TBC1D16: variants seen among roughly 807,000 people sequenced by gnomAD.
TBC1D16 encodes the protein CTD-2529O21.1.
A neutral mutation model predicts 74.7 loss-of-function variants in TBC1D16; 58 were observed. The observed-to-expected ratio is 0.78, with a 90% CI of 0.63 to 0.97. TBC1D16 has a LOEUF of 0.97. Ranked by LOEUF, TBC1D16 falls within the 50% of genes least tolerant of loss-of-function variation. TBC1D16 has a pLI of 0.00. For missense variants in TBC1D16, 1,014 were observed against 1,079.5 expected (o/e 0.94, Z 0.85); for synonymous variants, 493 against 474.7 (o/e 1.04, Z -0.50).
intron 3 of TBC1D16, 109 bp from the exon 4 acceptor site, chr17:79,952,927 C>A: frequency 7.6e-7 from 1 of 1,322,536 alleles, no homozygotes; most frequent in Non-Finnish European, 1.0e-6. Flanking sequence ...CAAGCTTAAA[C>A]ACACATACAG....
At position 79,933,340 on chromosome 17, in the gene TBC1D16, A is replaced by G. The variant is rs1372292204; in HGVS notation, c.*7519T>C. 1.3e-5 allele frequency: 2 copies of G among 152,204 alleles called. No homozygotes were observed. Among genetic ancestry groups the G allele is most frequent in the African/African-American group, 4.8e-5 (2 of 41,420 alleles). 9.4% of individuals were successfully genotyped at this position (152,204 alleles called of 1,614,324 possible). A position where few individuals can be genotyped will look rare whatever the true frequency, so the allele number is the denominator to read the frequency against. On this transcript the variant is annotated 3_prime_UTR_variant, in exon 12 of 12. Transcript: ENST00000310924. ...ACGAAGAGGGGGCACAGATGCAGGT[A>G]TGCCCAGGTACCTGAGTCCCAGCCA... is the stretch of plus-strand genomic sequence containing the variant.
rs752831210 is a variant in TBC1D16, at chr17:79,986,032, G to T, written c.779+24128C>A. On this transcript the variant is annotated intron_variant, in intron 3 of 11. Transcript: ENST00000310924. The surrounding 1 kb of genome is among the most constrained non-coding windows in gnomAD (Gnocchi z 6.0). ...CGGCCCTCCGCTCTTCAGAACGGCT[G>T]GTGTCTGCTTTGAAAGGTCCTGACT... is the stretch of plus-strand genomic sequence containing the variant. Among the ~76,000 whole-genome samples, 2 of 152,252 alleles carry T rather than the reference G, an allele frequency of 1.3e-5. No individual in the cohort carries two copies. Among genetic ancestry groups the T allele is most frequent in the African/African-American group, 2.4e-5 (1 of 41,460 alleles).
intron 3 of TBC1D16, among the ~76,000 whole-genome samples, chr17:79,962,618 C>T (rs1332979220): frequency 6.6e-6 from 1 of 152,058 alleles, no homozygotes; most frequent in Non-Finnish European, 1.5e-5. Flanking sequence ...TCTTGTAAAA[C>T]AAAAGCTCTA....
In TBC1D16 at chr17:79,986,898, C is replaced by T. The variant is rs540717769; in HGVS notation, c.779+23262G>A. Reference sequence around the variant, plus strand: ...TGGGAGGAGCTGGACTGCGGTCAGCCGTCCCCTCGCGCCCTCCGGTCTCTG... The same window carrying T: ...TGGGAGGAGCTGGACTGCGGTCAGCTGTCCCCTCGCGCCCTCCGGTCTCTG... On this transcript the variant is annotated intron_variant, in intron 3 of 11. Coordinates refer to ENST00000310924, the MANE Select transcript of TBC1D16 (RefSeq NM_019020.4). This position sits in a 1 kb window ranked among gnomAD's most constrained non-coding sequence, Gnocchi z 6.0. 1.3e-5 allele frequency among the ~76,000 whole-genome samples: 2 copies of T among 152,320 alleles called. No individual in the cohort carries two copies. The highest frequency in any genetic ancestry group is 2.1e-4 in the South Asian group (1 of 4,828).
At position 80,000,634 on chromosome 17, in the gene TBC1D16, G is replaced by A. The variant is rs1036183755; in HGVS notation, c.779+9526C>T. Reference sequence around the variant, plus strand: ...AGCCCCAGGACACTGATACGAGCACGTCCAACGGGGCTGGCAACTCAGTCA... The same window carrying A: ...AGCCCCAGGACACTGATACGAGCACATCCAACGGGGCTGGCAACTCAGTCA... On this transcript the variant is annotated intron_variant, in intron 3 of 11. Coordinates refer to ENST00000310924, the MANE Select transcript of TBC1D16 (RefSeq NM_019020.4). The surrounding 1 kb of genome is among the most constrained non-coding windows in gnomAD (Gnocchi z 4.1). Among the ~76,000 whole-genome samples, 15 of 152,190 alleles carry A rather than the reference G, an allele frequency of 9.9e-5. No individual in the cohort carries two copies. Among genetic ancestry groups the A allele is most frequent in the African/African-American group, 3.6e-4 (15 of 41,436 alleles).
At chr17:79,952,860 GC>G in intron 3 of TBC1D16, 42 bp from the exon 4 acceptor site, 1 of 1,572,814 alleles carries the variant, frequency 6.4e-7, no homozygotes, top group Non-Finnish European at 8.6e-7. Context: ...ACTTCTCCCT[GC>G]CCACACTACC....
At chr17:79,959,564 T>A (rs1156586504) in intron 3 of TBC1D16, among the ~76,000 whole-genome samples, 1 of 151,770 alleles carries the variant, frequency 6.6e-6, no homozygotes, top group African/African-American at 2.4e-5. Flanking sequence ...CATAACAGAG[T>A]CCAAAAATAT....
At chr17:79,947,463 C>T (rs1421571737) in intron 9 of TBC1D16, among the ~76,000 whole-genome samples, 182 bp downstream of exon 9, 1 of 152,174 alleles carries the variant, frequency 6.6e-6, no homozygotes, top group Non-Finnish European at 1.5e-5. Flanking sequence ...AGAGGGCCAT[C>T]CCCGGAGGCC....
intron 10 of TBC1D16, chr17:79,943,894 T>C (rs1053643168): frequency 1.4e-6 from 2 of 1,408,926 alleles, no homozygotes; most frequent in Non-Finnish European, 1.8e-6. Flanking sequence ...TTTTTTTTAA[T>C]TCGGGAGTGG....
In TBC1D16 at chr17:79,988,282, C is replaced by T. The variant is rs188033684; in HGVS notation, c.779+21878G>A. ...GAGCCTTTGATGCACTCTCCAAAGT[C>T]ACAGAGCAAAACAACACGCTGAACA... On this transcript the variant is annotated intron_variant, in intron 3 of 11. Transcript: ENST00000310924. The surrounding 1 kb of genome is among the most constrained non-coding windows in gnomAD (Gnocchi z 5.7). Among the ~76,000 whole-genome samples the T allele has an allele frequency of 6.6e-6, 1 of 152,358 alleles. No individual in the cohort carries two copies. Among genetic ancestry groups the T allele is most frequent in the Non-Finnish European group, 1.5e-5 (1 of 68,034 alleles).
At chr17:80,002,046 G>A (rs1287802707) in intron 3 of TBC1D16, among the ~76,000 whole-genome samples, 1 of 152,166 alleles carries the variant, frequency 6.6e-6, no homozygotes, top group Non-Finnish European at 1.5e-5. Flanking sequence ...GGAGGGTTGG[G>A]CAGAAAAGGA....
In TBC1D16 at chr17:79,950,088, T is replaced by A. The variant is rs960380350; in HGVS notation, c.1258-223A>T. Among the ~76,000 whole-genome samples, 1 of 152,224 alleles carries A rather than the reference T, an allele frequency of 6.6e-6. No homozygotes were observed. The highest frequency in any genetic ancestry group is 2.4e-5 in the African/African-American group (1 of 41,464). On this transcript the variant is annotated intron_variant, in intron 6 of 11. Transcript: ENST00000310924. This position sits in a 1 kb window ranked among gnomAD's most constrained non-coding sequence, Gnocchi z 4.6. ...GCCCCCCCTGGGGTGGCGCTCAGAT[T>A]AACGTGTCGTTCTCACGTCATGGCC... is the stretch of plus-strand genomic sequence containing the variant.
Position 80,013,533 on chromosome 17 carries a change from G to A in TBC1D16, c.15C>T (p.Arg5=), listed in dbSNP as rs2144690273. MSLG[R]LLRRASSKAS... ...CTTTGGAGGAGGCCCTGCGAAGGAG[G>A]CGGCCCAGAGACATTGCCGGGCAAG... The change falls in exon 2 of 12, where the codon CGC becomes CGT. Residue 5 remains arginine (R), a synonymous_variant. Transcript: ENST00000310924. 1.3e-6 allele frequency: 2 copies of A among 1,533,964 alleles called. No individual in the cohort carries two copies. Among genetic ancestry groups the A allele is most frequent in the Non-Finnish European group, 1.8e-6 (2 of 1,140,440 alleles).
rs1056491637 is a variant in TBC1D16, at chr17:80,009,421, C to G, written c.779+739G>C. Among the ~76,000 whole-genome samples, 1 of 152,210 alleles carries G rather than the reference C, an allele frequency of 6.6e-6. No homozygotes were observed. Among genetic ancestry groups the G allele is most frequent in the Middle Eastern group, 3.2e-3 (1 of 316 alleles). On this transcript the variant is annotated intron_variant, in intron 3 of 11. Coordinates refer to ENST00000310924, the MANE Select transcript of TBC1D16 (RefSeq NM_019020.4). The surrounding 1 kb of genome is among the most constrained non-coding windows in gnomAD (Gnocchi z 5.4). ...TGAGGGCCCTCGTGGCACCATGCAA[C>G]CCTCCCCACTCAGGAAGGTCTCTTT...
chr17:79,984,166 C>T (rs1446748925), intron 3 of TBC1D16, among the ~76,000 whole-genome samples: 1 of 152,192 alleles, frequency 6.6e-6, no homozygotes, highest in African/African-American at 2.4e-5. Context: ...GGACCACAGG[C>T]ATCTGCCAGC....
Position 80,013,543 on chromosome 17 carries a change from G to C in TBC1D16, c.5C>G (p.Ser2Cys). Residue 2 changes from serine to cysteine, a missense_variant, in exon 2 of 12, where the codon TCT (serine) becomes TGT (cysteine). Physicochemically the swap from Ser to Cys is moderately radical, Grantham distance 112 (BLOSUM62 -1). Transcript: ENST00000310924. Reference sequence around the variant, plus strand: ...GGCCCTGCGAAGGAGGCGGCCCAGAGACATTGCCGGGCAAGTGTTTCCATC... The same window carrying C: ...GGCCCTGCGAAGGAGGCGGCCCAGACACATTGCCGGGCAAGTGTTTCCATC... MSLGRLLRRASS... is the reference protein window; with the variant it reads MCLGRLLRRASS... The C allele has an allele frequency of 1.3e-6, 2 of 1,509,546 alleles. No individual in the cohort carries two copies. Among genetic ancestry groups the C allele is most frequent in the Non-Finnish European group, 1.8e-6 (2 of 1,127,768 alleles). 93.5% of individuals were successfully genotyped at this position (1,509,546 alleles called of 1,614,324 possible).
rs2034835072 is a variant in TBC1D16 at position 79,986,377 on chromosome 17, A to C, written c.779+23783T>G. 6.6e-6 allele frequency among the ~76,000 whole-genome samples: 1 copy of C among 152,210 alleles called. No individual in the cohort carries two copies. The highest frequency in any genetic ancestry group is 1.5e-5 in the Non-Finnish European group (1 of 68,032). On this transcript the variant is annotated intron_variant, in intron 3 of 11. Coordinates refer to ENST00000310924, the MANE Select transcript of TBC1D16 (RefSeq NM_019020.4). The surrounding 1 kb of genome is among the most constrained non-coding windows in gnomAD (Gnocchi z 6.0). Reference sequence around the variant, plus strand: ...CTTAGACAGAAGTCTGGGCAGACGCAAATGTGCAGCGTTTCAAAGCAAAGC... The same window carrying C: ...CTTAGACAGAAGTCTGGGCAGACGCCAATGTGCAGCGTTTCAAAGCAAAGC...
rs566949899 is a variant in TBC1D16, at chr17:79,944,484, C to T, written c.1908+424G>A. On this transcript the variant is annotated intron_variant, in intron 10 of 11. Transcript: ENST00000310924. The surrounding 1 kb of genome is among the most constrained non-coding windows in gnomAD (Gnocchi z 7.7). Reference sequence around the variant, plus strand: ...GGAGGGGCCGACAGGGAAGTGGGATCTCAGGCCCTTTCTCTGCACAGCAGG... The same window carrying T: ...GGAGGGGCCGACAGGGAAGTGGGATTTCAGGCCCTTTCTCTGCACAGCAGG... 8.1e-4 allele frequency among the ~76,000 whole-genome samples: 123 copies of T among 152,306 alleles called. 2 individuals are homozygous for T. The highest frequency in any genetic ancestry group is 1.5e-3 in the Admixed American group (23 of 15,304).
chr17:79,998,742 C>T (rs2035371239), intron 3 of TBC1D16, among the ~76,000 whole-genome samples: 1 of 151,952 alleles, frequency 6.6e-6, no homozygotes, highest in Admixed American at 6.6e-5. Context: ...AACAATATTC[C>T]CTTGCAGGGA....
Sources: allele counts gnomAD v4.1 joint callset (sites outside exome capture counted in the v4.1 genomes callset), GRCh38; gene constraint gnomAD v4.1.1; non-coding constraint Gnocchi (gnomAD v3.1); transcripts MANE v1.5; gene names NCBI Gene and HGNC (gene_info 2026-07-23, HGNC 2026-07-21).